The following PCDH10 variants were observed in gnomAD, a reference collection of about 807,000 sequenced individuals.
PCDH10 encodes the protein protocadherin-10.
PCDH10 carries 15 observed loss-of-function variants against 74.4 expected under a neutral mutation model. That is an observed-to-expected ratio of 0.20 (90% confidence interval 0.13 to 0.31). The LOEUF (loss-of-function observed/expected upper bound fraction) is 0.31, where lower values mean the gene tolerates loss of function less well. Ranked by LOEUF, PCDH10 falls within the 10% of genes least tolerant of loss-of-function variation. The probability of loss-of-function intolerance (pLI) is 1.00; values close to 1 mark genes in which losing one functional copy is unlikely to be tolerated. For missense variants in PCDH10, 1,260 were observed against 1,390.2 expected, an observed-to-expected ratio of 0.91 and a Z score of 1.49; for synonymous variants, 619 against 589.8, an observed-to-expected ratio of 1.05 and a Z score of -0.72.
chr4:133,200,108 A>G (rs1727873668), intron 2 of PCDH10, among the ~76,000 whole-genome samples: 1 of 151,792 alleles, frequency 6.6e-6, no homozygotes, highest in Admixed American at 6.6e-5. Flanking sequence ...TTTTATTTTT[A>G]TTCTAATATA....
intron 3 of PCDH10, among the ~76,000 whole-genome samples, chr4:133,157,162 G>A (rs1726884421): frequency 6.6e-6 from 1 of 152,130 alleles, no homozygotes; most frequent in South Asian, 2.1e-4. Flanking sequence ...CACAATAATA[G>A]CTATTTTAGG....
chr4:133,178,647 A>G (rs1727347108), intron 4 of PCDH10, among the ~76,000 whole-genome samples: 1 of 152,092 alleles, frequency 6.6e-6, no homozygotes, highest in African/African-American at 2.4e-5. Context: ...ATAGGAAACA[A>G]TCAAATGTAT....
intron 4 of PCDH10, among the ~76,000 whole-genome samples, chr4:133,183,803 T>C (rs959154332): frequency 6.6e-6 from 1 of 152,144 alleles, no homozygotes; most frequent in Non-Finnish European, 1.5e-5. Flanking sequence ...TTAGGAGAGA[T>C]GGCCAACTAT....
downstream of PCDH10, among the ~76,000 whole-genome samples, chr4:133,196,424 G>T (rs182800580): frequency 6.6e-6 from 1 of 152,088 alleles, no homozygotes; most frequent in Non-Finnish European, 1.5e-5. Flanking sequence ...TGGATGCACC[G>T]GTTTATCAAT....
intron 4 of PCDH10, among the ~76,000 whole-genome samples, chr4:133,166,469 A>C (rs2125864756): frequency 6.6e-6 from 1 of 151,678 alleles, no homozygotes; most frequent in Non-Finnish European, 1.5e-5. Flanking sequence ...ATTTTAAATG[A>C]TTCAGTCTTT....
intron 4 of PCDH10, among the ~76,000 whole-genome samples, chr4:133,177,963 A>AT (rs535195182): frequency 1.8e-4 from 28 of 152,262 alleles, no homozygotes; most frequent in Admixed American, 1.4e-3. Flanking sequence ...TATCTGTGTG[A>AT]TTTTTAATGG....
Position 133,151,150 on chromosome 4 carries a change from C to T in PCDH10, c.1010C>T (p.Ala337Val), listed in dbSNP as rs1359977307. 1.2e-6 allele frequency: 2 copies of T among 1,614,040 alleles called. No individual in the cohort carries two copies. The highest frequency in any genetic ancestry group is 2.7e-5 in the African/African-American group (2 of 74,956). The change falls in exon 1 of 5, where the codon GCC becomes GTC. Residue 337 changes from alanine (A) to valine (V), a missense_variant. Physicochemically the swap from Ala to Val is moderately conservative, Grantham distance 64. Transcript: ENST00000264360. ...CAAGCCAAGGACCTGGGCCCCAACGCCGTGCCTGCGCACTGCAAGGTGCTA... is the reference window on the plus strand; with the variant it reads ...CAAGCCAAGGACCTGGGCCCCAACGTCGTGCCTGCGCACTGCAAGGTGCTA... ...YVQAKDLGPN[A>V]VPAHCKVLVR...
Position 133,207,211 on chromosome 4 carries a change from G to T in PCDH10, n.438-865G>T, listed in dbSNP as rs199600233. Among the ~76,000 whole-genome samples the T allele has an allele frequency of 5.9e-5, 9 of 151,792 alleles. No individual in the cohort carries two copies. The East Asian group carries it at 1.7e-3, about 29-fold the overall frequency. ...GATTATTTATTCAATTGTTTCTAAG[G>T]TTATTATATTATATTATAATATAAA... On this transcript the variant is annotated intron_variant and non_coding_transcript_variant, in intron 2 of 2. Coordinates refer to the PCDH10 transcript ENST00000511112.
intron 4 of PCDH10, among the ~76,000 whole-genome samples, chr4:133,181,770 T>A (rs887105053): frequency 6.6e-6 from 1 of 152,094 alleles, no homozygotes; most frequent in Admixed American, 6.6e-5. Flanking sequence ...AGTAACTGAA[T>A]TATGTTAGGG....
intron 4 of PCDH10, among the ~76,000 whole-genome samples, chr4:133,184,969 A>T (rs564793918): frequency 3.1e-3 from 462 of 148,132 alleles, no homozygotes; most frequent in African/African-American, 0.01. Context: ...ATTTTGTTTG[A>T]TTTAATCATA....
At chr4:133,188,678 T>G (rs1229111949) in intron 4 of PCDH10, among the ~76,000 whole-genome samples, 1 of 141,228 alleles carries the variant, frequency 7.1e-6, no homozygotes, top group African/African-American at 2.7e-5. Context: ...TTTTTTTTTT[T>G]TTTTTTTTTT....
At chr4:133,177,985 G>A (rs559449172) in intron 4 of PCDH10, among the ~76,000 whole-genome samples, 77 of 152,196 alleles carry the variant, frequency 5.1e-4, no homozygotes, top group Non-Finnish European at 9.1e-4. Flanking sequence ...TAGAGACCAA[G>A]GGCATTCTAG....
chr4:133,188,382 A>T (rs28619183), intron 4 of PCDH10, among the ~76,000 whole-genome samples: 32,473 of 152,022 alleles, frequency 0.21, 3,672 homozygotes, highest in African/African-American at 0.25. Context: ...ATTATTTCAC[A>T]TATAAGTTTC....
At chr4:133,164,692 TA>T (rs1727042072) in intron 4 of PCDH10, among the ~76,000 whole-genome samples, 1 of 151,636 alleles carries the variant, frequency 6.6e-6, no homozygotes, top group African/African-American at 2.4e-5. Flanking sequence ...TTTTAACATT[TA>T]CAGATGTCTT....
At chr4:133,184,347 G>C (rs1727483738) in intron 4 of PCDH10, among the ~76,000 whole-genome samples, 1 of 152,036 alleles carries the variant, frequency 6.6e-6, no homozygotes, top group African/African-American at 2.4e-5. Context: ...GTTTGGCAAG[G>C]CACAGTAGCT....
At chr4:133,206,147 T>C (rs1458524185) in intron 2 of PCDH10, among the ~76,000 whole-genome samples, 1 of 152,090 alleles carries the variant, frequency 6.6e-6, no homozygotes, top group Non-Finnish European at 1.5e-5. Context: ...TCTTGTTAGA[T>C]AACCAAGAGA....
rs1305835924 is a variant in PCDH10 at position 133,151,553 on chromosome 4, T to A, written c.1413T>A (p.Tyr471Ter). The change falls in exon 1 of 5, where the codon TAT (tyrosine) becomes TAA (stop). Residue 471 changes from tyrosine (Y) to a stop codon, truncating the protein, a stop_gained. Transcript: ENST00000264360. LOFTEE classifies it high-confidence loss of function. ...TCAGCCAGCCGGTCTACGACGTGTA[T>A]GTGACTGAAAACAACGTGCCTGGCG... is the stretch of plus-strand genomic sequence containing the variant. The part of the protein sequence containing the change: ...PRFSQPVYDV[Y>*]VTENNVPGAY... 6.2e-7 allele frequency: 1 copy of A among 1,614,040 alleles called. No individual in the cohort carries two copies. Among genetic ancestry groups the A allele is most frequent in the South Asian group, 1.1e-5 (1 of 91,084 alleles).
chr4:133,179,873 G>A (rs76409482), intron 4 of PCDH10, among the ~76,000 whole-genome samples: 3,951 of 151,914 alleles, frequency 0.026, 167 homozygotes, highest in African/African-American at 0.09. Flanking sequence ...TGGAAATGAG[G>A]TGCAAATCTT....
chr4:133,199,322 TAA>T (rs746604864), downstream of PCDH10, among the ~76,000 whole-genome samples: 368 of 145,172 alleles, frequency 2.5e-3, 2 homozygotes, highest in African/African-American at 8.6e-3. Flanking sequence ...ATAATAATAA[TAA>T]TAATTAATTA....
Sources: gnomAD v4.1 joint callset for allele counts (sites outside exome capture counted in the v4.1 genomes callset) on GRCh38, gnomAD v4.1.1 for gene constraint, MANE v1.5 for transcripts, NCBI Gene and HGNC (gene_info 2026-07-23, HGNC 2026-07-21) for gene names.